Variants in PDZD8 observed in about 807,000 individuals in gnomAD.
The protein encoded by PDZD8 is PDZ domain containing 8.
A neutral mutation model predicts 85.8 loss-of-function variants in PDZD8; 14 were observed. The observed-to-expected ratio is 0.16, with a 90% confidence interval of 0.11 to 0.26. The LOEUF (loss-of-function observed/expected upper bound fraction) is 0.26, where lower values mean the gene tolerates loss of function less well. Among genes scored for constraint, PDZD8 ranks in the 10% least tolerant of loss-of-function variants. PDZD8 has a pLI of 1.00. For missense variants in PDZD8, 1,197 were observed against 1,424.3 expected, an observed-to-expected ratio of 0.84 and a Z score of 2.57; for synonymous variants, 592 against 568.6, an observed-to-expected ratio of 1.04 and a Z score of -0.59.
At chr10:117,301,621 T>C (rs989217033) in intron 3 of PDZD8, among the ~76,000 whole-genome samples, 4 of 152,188 alleles carry the variant, frequency 2.6e-5, no homozygotes, top group African/African-American at 9.7e-5. Flanking sequence ...AATTTGTTTA[T>C]GGTTAAAGGA....
intron 1 of PDZD8, among the ~76,000 whole-genome samples, chr10:117,359,283 G>A (rs1165577177): frequency 6.6e-6 from 1 of 151,854 alleles, no homozygotes; most frequent in Non-Finnish European, 1.5e-5. Flanking sequence ...GGGCATGGTG[G>A]AGCATGCCTG....
rs573283882 is a variant in PDZD8, at chr10:117,290,291, A to G, written c.1156T>C (p.Ser386Pro). ...SVGLTLRLVQ[S>P]TDGYAGHVII... Reference sequence around the variant, plus strand: ...ACGTGCCCAGCATACCCATCAGTTGACTGGACAAGACGAAGTGTAAGTCCA... The same window carrying G: ...ACGTGCCCAGCATACCCATCAGTTGGCTGGACAAGACGAAGTGTAAGTCCA... The change falls in exon 4 of 5, where the codon TCA becomes CCA. Residue 386 changes from serine to proline, a missense_variant. Around this residue, in one of 4 missense-constraint regions of PDZD8, gnomAD observed 344 missense variants for 453.6 expected, o/e 0.76. Coordinates refer to ENST00000334464, the MANE Select transcript of PDZD8 (RefSeq NM_173791.5). The G allele has an allele frequency of 6.2e-7, 1 of 1,613,514 alleles. No homozygotes were observed. Among genetic ancestry groups the G allele is most frequent in the Admixed American group, 1.7e-5 (1 of 59,944 alleles).
chr10:117,285,879 G>T, intron 4 of PDZD8: 1 of 304,690 alleles, frequency 3.3e-6, no homozygotes, highest in Non-Finnish European at 4.8e-6. Flanking sequence ...GGAAAGCTGT[G>T]ATTCCACTGA....
rs146157495 is a variant in PDZD8, at chr10:117,297,113, A to T, written c.1099-6765T>A. 5.0e-3 allele frequency among the ~76,000 whole-genome samples: 757 copies of T among 152,232 alleles called. 2 individuals are homozygous for T. The highest frequency in any genetic ancestry group is 8.3e-3 in the Non-Finnish European group (566 of 67,968). ...AAAAGCCCAATAAAAAGTGGGCAAAAGATTTGAACAGATACTTCACAAAAG... is the reference window on the plus strand; with the variant it reads ...AAAAGCCCAATAAAAAGTGGGCAAATGATTTGAACAGATACTTCACAAAAG... On this transcript the variant is annotated intron_variant, in intron 3 of 4. Transcript: ENST00000334464.
intron 1 of PDZD8, among the ~76,000 whole-genome samples, chr10:117,365,482 T>C (rs1387068031): frequency 6.6e-6 from 1 of 152,212 alleles, no homozygotes; most frequent in African/African-American, 2.4e-5. Flanking sequence ...ACAGAAGATT[T>C]TCACTTTGAT....
At chr10:117,290,672 G>A (rs539308483) in intron 3 of PDZD8, among the ~76,000 whole-genome samples, 2 of 151,936 alleles carry the variant, frequency 1.3e-5, no homozygotes, top group African/African-American at 4.8e-5. Flanking sequence ...ATACAATCTA[G>A]AACTATTCTA....
At chr10:117,346,038 C>T (rs1246674546) in intron 1 of PDZD8, among the ~76,000 whole-genome samples, 4 of 151,882 alleles carry the variant, frequency 2.6e-5, no homozygotes, top group Admixed American at 1.3e-4. Flanking sequence ...GTCAGGAGTT[C>T]GAGACCAGCC....
rs1338418820 is a variant in PDZD8, at chr10:117,290,304, A to G, written c.1143T>C (p.Leu381=). ...ACCCATCAGTTGACTGGACAAGACGAAGTGTAAGTCCAACACTTTGTAAAT... is the reference window on the plus strand; with the variant it reads ...ACCCATCAGTTGACTGGACAAGACGGAGTGTAAGTCCAACACTTTGTAAAT... ...KGNLQSVGLT[L]RLVQSTDGYA... is the part of the protein sequence containing the mutation. The change falls in exon 4 of 5, where the codon CTT becomes CTC. Residue 381 remains leucine, a synonymous_variant. Coordinates refer to ENST00000334464, the MANE Select transcript of PDZD8 (RefSeq NM_173791.5). The G allele has an allele frequency of 6.2e-7, 1 of 1,612,938 alleles. No homozygotes were observed. Among genetic ancestry groups the G allele is most frequent in the African/African-American group, 1.3e-5 (1 of 74,890 alleles).
chr10:117,314,099 A>G (rs1330801133), intron 3 of PDZD8: 1 of 152,200 alleles, frequency 6.6e-6, no homozygotes, highest in African/African-American at 2.4e-5. Flanking sequence ...ATATGGGAAG[A>G]GTATTTCATA....
At chr10:117,343,668 G>A (rs530595015) in intron 1 of PDZD8, among the ~76,000 whole-genome samples, 6 of 152,142 alleles carry the variant, frequency 3.9e-5, no homozygotes, top group Admixed American at 6.5e-5. Flanking sequence ...ATTTCTCACA[G>A]GAGTATGAGT....
At chr10:117,329,967 G>GGGAAGGAAGGGAGGAAGGGAA (rs1564701815) in intron 2 of PDZD8, among the ~76,000 whole-genome samples, 4 of 57,146 alleles carry the variant, frequency 7.0e-5, no homozygotes, top group African/African-American at 2.5e-4. Context: ...GAGGGAGGAA[G>GGGAAGGAAGGGAGGAAGGGAA]GGAAGGAAGG....
At chr10:117,304,549 AGGG>A (rs1843900250) in intron 3 of PDZD8, among the ~76,000 whole-genome samples, 1 of 151,998 alleles carries the variant, frequency 6.6e-6, no homozygotes, top group Non-Finnish European at 1.5e-5. Context: ...TGGAGGGGCC[AGGG>A]GGGAATGATA....
intron 3 of PDZD8, among the ~76,000 whole-genome samples, chr10:117,316,518 T>C (rs1175722013): frequency 6.6e-6 from 1 of 151,582 alleles, no homozygotes; most frequent in Non-Finnish European, 1.5e-5. Flanking sequence ...ACCAAAAAAA[T>C]AAAAATTAAA....
chr10:117,340,672 C>T (rs1455450875), intron 2 of PDZD8, among the ~76,000 whole-genome samples: 1 of 152,122 alleles, frequency 6.6e-6, no homozygotes, highest in African/African-American at 2.4e-5. Flanking sequence ...GTAATTTTCT[C>T]TTTAACATAG....
chr10:117,286,942 AACT>A (rs1439783792), intron 4 of PDZD8, among the ~76,000 whole-genome samples: 1 of 152,158 alleles, frequency 6.6e-6, no homozygotes, highest in Non-Finnish European at 1.5e-5. Flanking sequence ...GTCTGTAAAC[AACT>A]AAGTCTCTCA....
At chr10:117,333,959 C>G (rs964212007) in intron 2 of PDZD8, among the ~76,000 whole-genome samples, 32 of 152,046 alleles carry the variant, frequency 2.1e-4, no homozygotes, top group Non-Finnish European at 5.9e-5. Flanking sequence ...CCCAAAACCC[C>G]CCCATAAAAG....
chr10:117,285,674 G>C, intron 4 of PDZD8: 1 of 1,190,696 alleles, frequency 8.4e-7, no homozygotes, highest in Non-Finnish European at 1.1e-6. Context: ...TGAATGTGCT[G>C]ATATCCTGGA....
Position 117,279,723 on chromosome 10 carries a change from C to G in PDZD8, c.*3545G>C, listed in dbSNP as rs984005100. On this transcript the variant is annotated 3_prime_UTR_variant, in exon 5 of 5. Coordinates refer to ENST00000334464, the MANE Select transcript of PDZD8 (RefSeq NM_173791.5). ...AACAAATAACCATATCTGATGAAAA[C>G]AGCTGTAATATCCACCCATTTGACT... 6.6e-6 allele frequency: 1 copy of G among 152,160 alleles called. No individual in the cohort carries two copies. The highest frequency in any genetic ancestry group is 1.5e-5 in the Non-Finnish European group (1 of 68,034). The allele number at this position is 152,160 out of a possible 1,614,324, so 9.4% of individuals were successfully genotyped here.
chr10:117,292,285 T>C (rs1227502852), intron 3 of PDZD8, among the ~76,000 whole-genome samples: 1 of 152,182 alleles, frequency 6.6e-6, no homozygotes, highest in African/African-American at 2.4e-5. Flanking sequence ...ACGTAATTTG[T>C]GTTTAAATCT....
Sources: allele counts gnomAD v4.1 joint callset (sites outside exome capture counted in the v4.1 genomes callset), GRCh38; gene constraint gnomAD v4.1.1; regional missense constraint gnomAD v4.1.1; transcripts MANE v1.5; gene names NCBI Gene and HGNC (gene_info 2026-07-23, HGNC 2026-07-21).